SIRT2: variants seen among roughly 807,000 people sequenced by gnomAD.
SIRT2 encodes the protein sirtuin 2, also known as NAD-dependent protein deacetylase sirtuin-2.
A neutral mutation model predicts 57.4 loss-of-function variants in SIRT2; 40 were observed. The ratio of observed to expected loss-of-function variants is 0.70; its 90% CI spans 0.54 to 0.91. SIRT2 has a LOEUF of 0.91. Among genes scored for constraint, SIRT2 ranks in the 40% least tolerant of loss-of-function variants. SIRT2 has a pLI of 0.00. For missense variants in SIRT2, 439 were observed against 510.4 expected, an observed-to-expected ratio of 0.86 and a Z score of 1.35; for synonymous variants, 161 against 195.7, an observed-to-expected ratio of 0.82 and a Z score of 1.48.
chr19:38,892,608 G>C (rs1316633577), intron 4 of SIRT2, among the ~76,000 whole-genome samples: 1 of 151,958 alleles, frequency 6.6e-6, no homozygotes, highest in Non-Finnish European at 1.5e-5. Context: ...GAGTCTCACT[G>C]TGTTGCCCAG....
In SIRT2 at chr19:38,880,777, C is replaced by T; in HGVS notation, c.825-41G>A. On this transcript the variant is annotated intron_variant, in intron 12 of 15. Transcript: ENST00000249396. The surrounding 1 kb of genome is among the most constrained non-coding windows in gnomAD (Gnocchi z 4.1). ...GCTAAGGGGTCAGGGTCTGTCCTGGCCCTGGGTGCCCAGCCGTCCTCCCAG... is the reference window on the plus strand; with the variant it reads ...GCTAAGGGGTCAGGGTCTGTCCTGGTCCTGGGTGCCCAGCCGTCCTCCCAG... 2 of 1,611,822 alleles carry T rather than the reference C, an allele frequency of 1.2e-6. No homozygotes were observed. The highest frequency in any genetic ancestry group is 1.7e-6 in the Non-Finnish European group (2 of 1,178,420).
intron 11 of SIRT2, 48 bp downstream of exon 11, chr19:38,881,052 A>T (rs1267097103): frequency 2.5e-6 from 4 of 1,593,864 alleles, no homozygotes; most frequent in Non-Finnish European, 2.6e-6. Flanking sequence ...GGCCCAGCAC[A>T]GGTGGAGGCG....
At chr19:38,889,212 G>A in intron 7 of SIRT2, 57 bp from the exon 8 acceptor site, 2 of 1,510,270 alleles carry the variant, frequency 1.3e-6, no homozygotes, top group Non-Finnish European at 1.8e-6. Context: ...ACAGGCCACT[G>A]CCGCATGCCA....
chr19:38,881,601 T>TCA, intron 9 of SIRT2, 110 bp from the exon 10 acceptor site: 1 of 826,438 alleles, frequency 1.2e-6, no homozygotes. Context: ...CACACCTCCA[T>TCA]CACTTGGAGT....
chr19:38,893,681 G>A, intron 3 of SIRT2, 138 bp downstream of exon 3: 2 of 1,252,388 alleles, frequency 1.6e-6, no homozygotes, highest in Non-Finnish European at 2.3e-6. Flanking sequence ...AGCCTGCTCT[G>A]GCACTGGTAC....
intron 2 of SIRT2, 101 bp downstream of exon 2, chr19:38,898,278 A>C: frequency 1.0e-5 from 8 of 779,308 alleles, no homozygotes; most frequent in Non-Finnish European, 1.5e-5. Flanking sequence ...CAATGAGCCG[A>C]GGGCCCTGGG....
chr19:38,881,225 G>T, intron 10 of SIRT2, 70 bp from the exon 11 acceptor site: 3 of 1,485,914 alleles, frequency 2.0e-6, no homozygotes, highest in South Asian at 1.2e-5. Flanking sequence ...TGGGAGCAAT[G>T]GCAGACCCGG....
At chr19:38,892,615 C>T (rs1973576832) in intron 4 of SIRT2, among the ~76,000 whole-genome samples, 1 of 152,034 alleles carries the variant, frequency 6.6e-6, no homozygotes, top group Non-Finnish European at 1.5e-5. Context: ...ACTGTGTTGC[C>T]CAGGCTGCAG....
At chr19:38,892,869 C>T (rs2873703) in intron 4 of SIRT2, among the ~76,000 whole-genome samples, 57,194 of 152,180 alleles carry the variant, frequency 0.38, 13,713 homozygotes, top group East Asian at 0.84. Context: ...TGAGCCACTG[C>T]CCCTGGTCCT....
Position 38,878,997 on chromosome 19 carries a change from C to A in SIRT2, c.*158G>T. 1.4e-6 allele frequency: 1 copy of A among 704,528 alleles called. No individual in the cohort carries two copies. The highest frequency in any genetic ancestry group is 2.2e-6 in the Non-Finnish European group (1 of 447,032). 43.6% of individuals were successfully genotyped at this position (704,528 alleles called of 1,614,324 possible). On this transcript the variant is annotated 3_prime_UTR_variant, in exon 16 of 16. Coordinates refer to ENST00000249396, the MANE Select transcript of SIRT2 (RefSeq NM_012237.4). Reference sequence around the variant, plus strand: ...TTAGAGATTTGCTGGGGTTGGGGGCCAGGGTTGCTGGGACCCCAGTTTTGG... The same window carrying A: ...TTAGAGATTTGCTGGGGTTGGGGGCAAGGGTTGCTGGGACCCCAGTTTTGG...
At chr19:38,884,727 A>G (rs558974126) in intron 8 of SIRT2, among the ~76,000 whole-genome samples, 12 of 151,670 alleles carry the variant, frequency 7.9e-5, no homozygotes, top group Admixed American at 6.6e-4. Flanking sequence ...GATTATAGAC[A>G]TGAGCCACTG....
At chr19:38,895,987 G>T (rs1973704111) in intron 2 of SIRT2, among the ~76,000 whole-genome samples, 2 of 152,090 alleles carry the variant, frequency 1.3e-5, no homozygotes, top group South Asian at 4.1e-4. Flanking sequence ...CAGGAGAATC[G>T]CTTGAACCTG....
Position 38,880,662 on chromosome 19 carries a change from G to A in SIRT2, c.876+23C>T, listed in dbSNP as rs1306096103. On this transcript the variant is annotated intron_variant, in intron 13 of 15. Transcript: ENST00000249396. The surrounding 1 kb of genome is among the most constrained non-coding windows in gnomAD (Gnocchi z 4.1). ...AGGGAAGGGGGAGCCTGTGACGACGGGGGCTTGAAGAAGGGCTCTTACCTG... is the reference window on the plus strand; with the variant it reads ...AGGGAAGGGGGAGCCTGTGACGACGAGGGCTTGAAGAAGGGCTCTTACCTG... 6.5e-7 allele frequency: 1 copy of A among 1,529,232 alleles called. No individual in the cohort carries two copies. The highest frequency in any genetic ancestry group is 1.3e-5 in the South Asian group (1 of 78,114). The allele number at this position is 1,529,232 out of a possible 1,614,324, so 94.7% of individuals were successfully genotyped here.
chr19:38,894,371 A>T, intron 2 of SIRT2: 1 of 189,388 alleles, frequency 5.3e-6, no homozygotes, highest in South Asian at 9.7e-5. Flanking sequence ...CGGCCTCCCA[A>T]AGTGCTGGGA....
intron 8 of SIRT2, among the ~76,000 whole-genome samples, chr19:38,886,002 C>T (rs1298523799): frequency 3.3e-5 from 5 of 152,168 alleles, no homozygotes; most frequent in African/African-American, 1.2e-4. Context: ...CCCTTTGGAG[C>T]AGCTGTTGTT....
intron 7 of SIRT2, 59 bp downstream of exon 7, chr19:38,889,630 C>T (rs1435144128): frequency 6.3e-7 from 1 of 1,595,404 alleles, no homozygotes; most frequent in Non-Finnish European, 8.6e-7. Context: ...GGCGGGGCTT[C>T]TCATGCGTGC....
At chr19:38,881,599 C>T in intron 9 of SIRT2, 108 bp from the exon 10 acceptor site, 4 of 854,648 alleles carry the variant, frequency 4.7e-6, no homozygotes, top group Non-Finnish European at 7.8e-6. Flanking sequence ...AACACACCTC[C>T]ATCACTTGGA....
chr19:38,897,204 G>C (rs1464938928), intron 2 of SIRT2, among the ~76,000 whole-genome samples: 2 of 152,128 alleles, frequency 1.3e-5, no homozygotes, highest in Non-Finnish European at 2.9e-5. Context: ...CTAAACAGTG[G>C]GCCCAGCTTT....
chr19:38,889,200 C>T (rs1233646284), intron 7 of SIRT2, 45 bp from the exon 8 acceptor site: 1 of 1,548,704 alleles, frequency 6.5e-7, no homozygotes, highest in Non-Finnish European at 8.9e-7. Context: ...CAGGGAACAG[C>T]CACAGGCCAC....
Sources: gnomAD v4.1 joint callset for allele counts (sites outside exome capture counted in the v4.1 genomes callset) on GRCh38, gnomAD v4.1.1 for gene constraint, Gnocchi (gnomAD v3.1) non-coding constraint, MANE v1.5 for transcripts, NCBI Gene and HGNC (gene_info 2026-07-23, HGNC 2026-07-21) for gene names.